The following SUGP1 variants were observed in gnomAD, a reference collection of about 807,000 sequenced individuals.
The protein encoded by SUGP1 is SURP and G-patch domain containing 1.
In SUGP1, 34 loss-of-function variants were observed where a neutral mutation model predicts 76.5. That is an observed-to-expected ratio of 0.44 (90% CI 0.34 to 0.59). The LOEUF (loss-of-function observed/expected upper bound fraction) is 0.59. SUGP1 is among the 20% of genes least tolerant of loss of function. SUGP1 has a pLI of 0.01. For missense variants in SUGP1, 752 were observed against 851.7 expected, an observed-to-expected ratio of 0.88 and a Z score of 1.46; for synonymous variants, 326 against 326.2, an observed-to-expected ratio of 1.00 and a Z score of 0.01.
chr19:19,292,046 G>A (rs1319811520), intron 8 of SUGP1, among the ~76,000 whole-genome samples: 3 of 151,990 alleles, frequency 2.0e-5, no homozygotes, highest in Non-Finnish European at 4.4e-5. Context: ...GCTGAGGTGG[G>A]CAGATCACTT....
intron 8 of SUGP1, among the ~76,000 whole-genome samples, chr19:19,282,867 G>A (rs577837084): frequency 6.6e-6 from 1 of 152,170 alleles, no homozygotes; most frequent in African/African-American, 2.4e-5. Flanking sequence ...CACAAGGTCA[G>A]AAGATCGAGA....
At chr19:19,277,098 A>G in intron 12 of SUGP1, 22 bp from the exon 13 acceptor site, 3 of 1,600,842 alleles carry the variant, frequency 1.9e-6, no homozygotes, top group Non-Finnish European at 2.5e-6. Flanking sequence ...AGAGGATGTG[A>G]GCAGGGACCT....
intron 1 of SUGP1, among the ~76,000 whole-genome samples, chr19:19,318,113 CTTTT>C (rs1192437542): frequency 5.1e-5 from 5 of 97,678 alleles, no homozygotes; most frequent in Admixed American, 1.2e-4. Context: ...ACCCAGCCTT[CTTTT>C]TTTTTTTTTT....
chr19:19,291,914 CACACACACACACACACACA>C (rs2061187612), intron 8 of SUGP1, among the ~76,000 whole-genome samples: 1 of 148,964 alleles, frequency 6.7e-6, no homozygotes, highest in Non-Finnish European at 1.5e-5. Flanking sequence ...CACACACACA[CACACACACACACACACACA>C]AAAGGGCCAA....
chr19:19,279,112 T>G, intron 10 of SUGP1, 101 bp downstream of exon 10: 1 of 1,307,542 alleles, frequency 7.6e-7, no homozygotes, highest in Non-Finnish European at 1.0e-6. Flanking sequence ...TAAACCAGGA[T>G]GGCAGCTCAA....
chr19:19,298,087 G>A (rs940207151), intron 7 of SUGP1, among the ~76,000 whole-genome samples: 1 of 152,242 alleles, frequency 6.6e-6, no homozygotes, highest in Non-Finnish European at 1.5e-5. Flanking sequence ...CTGAAAGCAT[G>A]TTACAGTGCT....
At chr19:19,300,862 T>C (rs867491415) in intron 7 of SUGP1, among the ~76,000 whole-genome samples, 1 of 152,178 alleles carries the variant, frequency 6.6e-6, no homozygotes, top group Admixed American at 6.5e-5. Context: ...CCTGCACCAA[T>C]AGCATCTCTC....
intron 2 of SUGP1, 84 bp downstream of exon 2, chr19:19,316,338 G>A (rs1459689349): frequency 6.5e-7 from 1 of 1,529,230 alleles, no homozygotes; most frequent in Non-Finnish European, 8.9e-7. Flanking sequence ...AGCACATGCT[G>A]ACTGCCCTCA....
intron 8 of SUGP1, among the ~76,000 whole-genome samples, chr19:19,290,019 T>C (rs1044570749): frequency 5.8e-5 from 8 of 139,050 alleles, no homozygotes; most frequent in Admixed American, 4.3e-4. Flanking sequence ...TGGGTGTGGG[T>C]GATAGGAAAT....
intron 8 of SUGP1, among the ~76,000 whole-genome samples, chr19:19,285,928 C>T (rs79945510): frequency 0.034 from 5,110 of 152,156 alleles, 306 homozygotes; most frequent in African/African-American, 0.12. Flanking sequence ...GGTTTATGAT[C>T]GGGGCTGCCC....
In SUGP1 at chr19:19,302,398, G is replaced by C. The variant is rs2061279221; in HGVS notation, c.764-10C>G. On this transcript the variant is annotated splice_polypyrimidine_tract_variant and intron_variant, in intron 6 of 13. Transcript: ENST00000247001. The stretch of plus-strand genomic sequence containing the variant: ...TCCTCTGGGGGTGAAACTTTAAGCA[G>C]GCTGTCAGTACTGGGCTCAACTCAC... The C allele has an allele frequency of 6.2e-7, 1 of 1,613,734 alleles. No homozygotes were observed. The highest frequency in any genetic ancestry group is 1.3e-5 in the African/African-American group (1 of 75,044).
In SUGP1 at chr19:19,276,958, G is replaced by C. The variant is rs1228912277; in HGVS notation, c.1900C>G (p.Pro634Ala). ...KRMMLAYRFRPNPLNNPRRPY... is the reference protein window; with the variant it reads ...KRMMLAYRFRANPLNNPRRPY... ...GAGGACATGCGTACCAGGGGGTTGG[G>C]CCGGAAGCGGTAGGCCAGCATCATC... The change falls in exon 13 of 14, where the codon CCC (proline) becomes GCC (alanine). Residue 634 changes from proline (P) to alanine (A), a missense_variant. By Grantham distance (27) the Pro-to-Ala change is conservative. Around this residue, in one of 2 missense-constraint regions of SUGP1, gnomAD observed 132 missense variants for 234.4 expected, o/e 0.56. Transcript: ENST00000247001. 1 of 1,613,000 alleles carries C rather than the reference G, an allele frequency of 6.2e-7. No individual in the cohort carries two copies. The highest frequency in any genetic ancestry group is 8.5e-7 in the Non-Finnish European group (1 of 1,180,014).
intron 8 of SUGP1, among the ~76,000 whole-genome samples, chr19:19,283,788 A>G (rs1463503913): frequency 1.3e-5 from 2 of 152,130 alleles, no homozygotes; most frequent in Admixed American, 1.3e-4. Flanking sequence ...GGGTTTCACC[A>G]TATTGGCCAG....
chr19:19,302,264 C>A lies in SUGP1; in HGVS notation c.887+1G>T. 1 of 1,614,104 alleles carries A rather than the reference C, an allele frequency of 6.2e-7. No individual in the cohort carries two copies. Among genetic ancestry groups the A allele is most frequent in the Non-Finnish European group, 8.5e-7 (1 of 1,179,956 alleles). On this transcript the variant is annotated splice_donor_variant, in intron 7 of 13. Coordinates refer to ENST00000247001, the MANE Select transcript of SUGP1 (RefSeq NM_172231.4). LOFTEE classifies it high-confidence loss of function. ...CACCTCCCTGGCAGGGCCCCCCTTA[C>A]CTGAATGCCTGGTTCTCACGGTTGT...
At position 19,320,441 on chromosome 19, in the gene SUGP1, G is replaced by A. The variant is rs777702129; in HGVS notation, c.34+22C>T. On this transcript the variant is annotated intron_variant, in intron 1 of 13. Transcript: ENST00000247001. ...GCCCCAGGGACCCAGGCGGCCGCCT[G>A]AGAGGAGGCGGGGGCTGTTACCTGC... 3.1e-5 allele frequency: 50 copies of A among 1,607,738 alleles called. No homozygotes were observed. In the East Asian group the frequency reaches 9.0e-4, roughly 29 times the overall value.
chr19:19,301,505 G>C (rs2061271284), intron 7 of SUGP1, among the ~76,000 whole-genome samples: 1 of 152,242 alleles, frequency 6.6e-6, no homozygotes, highest in Admixed American at 6.5e-5. Flanking sequence ...GTCTAGGGCT[G>C]CTGAATCAAC....
chr19:19,289,079 C>T (rs943885514), intron 8 of SUGP1, among the ~76,000 whole-genome samples: 16 of 152,002 alleles, frequency 1.1e-4, no homozygotes, highest in East Asian at 5.9e-4. Context: ...CCACCAAACC[C>T]GGCCTATATT....
In SUGP1 at chr19:19,279,366, T is replaced by C. The variant is rs1318522339; in HGVS notation, c.1375A>G (p.Met459Val). The C allele has an allele frequency of 1.2e-6, 2 of 1,608,370 alleles. No homozygotes were observed. Among genetic ancestry groups the C allele is most frequent in the Non-Finnish European group, 8.5e-7 (1 of 1,179,418 alleles). Residue 459 changes from methionine to valine, a missense_variant, in exon 10 of 14, where the codon ATG becomes GTG. Met to Val is a conservative substitution (Grantham distance 21, BLOSUM62 1). This residue lies in a region of SUGP1 where 620 missense variants were observed against 617.3 expected (regional missense o/e 1.00). Transcript: ENST00000247001. ...QEMQQMYDMI[M>V]QHKRAMQDMQ... The stretch of plus-strand genomic sequence containing the variant: ...TCCTGCATGGCCCGCTTGTGCTGCA[T>C]GATCATGTCGTACATCTGCTGCATC...
chr19:19,299,766 A>C (rs2061256914), intron 7 of SUGP1, among the ~76,000 whole-genome samples: 1 of 151,488 alleles, frequency 6.6e-6, no homozygotes, highest in African/African-American at 2.4e-5. Context: ...AGTCCAAGGG[A>C]TGGGCGTTTC....
Sources: gnomAD v4.1 joint callset for allele counts (sites outside exome capture counted in the v4.1 genomes callset) on GRCh38, gnomAD v4.1.1 for gene constraint, gnomAD v4.1.1 regional missense constraint, MANE v1.5 for transcripts, NCBI Gene and HGNC (gene_info 2026-07-23, HGNC 2026-07-21) for gene names.